The following LIMS2 variants were observed in gnomAD, a reference collection of about 807,000 sequenced individuals.
LIMS2 encodes the protein LIM and senescent cell antigen-like-containing domain protein 2.
In LIMS2, 30 loss-of-function variants were observed where a neutral mutation model predicts 45.3. That is an observed-to-expected ratio of 0.66 (90% CI 0.50 to 0.90). LIMS2 has a LOEUF of 0.90. Ranked by LOEUF, LIMS2 falls within the 40% of genes least tolerant of loss-of-function variation. The probability of loss-of-function intolerance (pLI) is 0.00; values close to 1 mark genes in which losing one functional copy is unlikely to be tolerated. For missense variants in LIMS2, 485 were observed against 468.7 expected (o/e 1.03, Z -0.32); for synonymous variants, 173 against 188.0 (o/e 0.92, Z 0.65).
rs1682152353 is a variant in LIMS2, at chr2:127,639,337, A to T, written c.970T>A (p.Ser324Thr). 2 of 1,613,934 alleles carry T rather than the reference A, an allele frequency of 1.2e-6. No homozygotes were observed. The highest frequency in any genetic ancestry group is 1.7e-6 in the Non-Finnish European group (2 of 1,179,940). Reference sequence around the variant, plus strand: ...TGGGCCTTGCGGGAGGTCAGCTCCGACAGCTTCTTCAGCCGCTTCTTCAGC... The same window carrying T: ...TGGGCCTTGCGGGAGGTCAGCTCCGTCAGCTTCTTCAGCCGCTTCTTCAGC... The part of the protein sequence containing the change: ...LELKKRLKKL[S>T]ELTSRKAQPK... The change falls in exon 10 of 10, where the codon TCG (serine) becomes ACG (threonine). Residue 324 changes from serine to threonine, a missense_variant. By Grantham distance (58) the Ser-to-Thr change is moderately conservative. Coordinates refer to ENST00000355119, the MANE Select transcript of LIMS2 (RefSeq NM_001161403.3).
chr2:127,674,846 G>A, intron 1 of LIMS2, 168 bp downstream of exon 1: 1 of 985,088 alleles, frequency 1.0e-6, no homozygotes, highest in Non-Finnish European at 1.2e-6. Context: ...GGGGCTGGGG[G>A]ACCCCTGCCC....
chr2:127,639,485 C>G, intron 9 of LIMS2, 57 bp from the exon 10 acceptor site: 1 of 1,594,758 alleles, frequency 6.3e-7, no homozygotes, highest in African/African-American at 1.3e-5. Flanking sequence ...TAACCCCAGA[C>G]AGGTGACTGT....
chr2:127,664,551 G>A lies in LIMS2; in HGVS notation c.12-6989C>T. 4.3e-6 allele frequency: 5 copies of A among 1,150,314 alleles called. No individual in the cohort carries two copies. The highest frequency in any genetic ancestry group is 5.3e-6 in the Non-Finnish European group (5 of 936,210). 71.3% of individuals were successfully genotyped at this position (1,150,314 alleles called of 1,614,324 possible). On this transcript the variant is annotated intron_variant, in intron 1 of 9. Transcript: ENST00000355119. The surrounding 1 kb of genome is among the most constrained non-coding windows in gnomAD (Gnocchi z 5.5). ...GGTCGCGAGCTCACGTTACGCGCTG[G>A]GATCTCCAAAGGGCAGCAGAGTCAA...
In LIMS2 at chr2:127,643,003, G is replaced by A. The variant is rs548574611; in HGVS notation, c.429C>T (p.Cys143=). 2 of 1,579,888 alleles carry A rather than the reference G, an allele frequency of 1.3e-6. No individual in the cohort carries two copies. Among genetic ancestry groups the A allele is most frequent in the East Asian group, 2.3e-5 (1 of 43,108 alleles). The change falls in exon 5 of 10, where the codon TGC becomes TGT. Residue 143 remains cysteine, a synonymous_variant. Coordinates refer to ENST00000355119, the MANE Select transcript of LIMS2 (RefSeq NM_001161403.3). ...KGLGKYICQR[C]HLVIDEQPLM... is the part of the protein sequence containing the mutation. ...GGGGCTGCTCGTCGATGACCAGGTG[G>A]CACCGCTGGCAGATGTACTTGCCCA...
Position 127,642,930 on chromosome 2 carries a change from G to GGGTGCAGTTGAAGTGGTCAGGGTGGTA in LIMS2, c.475_501dup (p.Tyr159_Thr167dup). ...GCCGGGCTGCGCACCTACCCACAGT[G>GGGTGCAGTTGAAGTGGTCAGGGTGGTA]GGTGCAGTTGAAGTGGTCAGGGTGG... On this transcript the variant is annotated inframe_insertion, in exon 5 of 10. Transcript: ENST00000355119. The surrounding 1 kb of genome is among the most constrained non-coding windows in gnomAD (Gnocchi z 5.3). 6.4e-7 allele frequency: 1 copy of GGGTGCAGTTGAAGTGGTCAGGGTGGTA among 1,562,154 alleles called. No individual in the cohort carries two copies. The highest frequency in any genetic ancestry group is 1.9e-5 in the Admixed American group (1 of 52,368).
chr2:127,665,262 C>T (rs2105331553), intron 1 of LIMS2, among the ~76,000 whole-genome samples: 1 of 152,272 alleles, frequency 6.6e-6, no homozygotes, highest in East Asian at 1.9e-4. Flanking sequence ...CTAGAAAGGT[C>T]AGAAAGCTTG....
chr2:127,673,311 T>A (rs745509087), intron 1 of LIMS2, among the ~76,000 whole-genome samples: 1 of 152,214 alleles, frequency 6.6e-6, no homozygotes, highest in Non-Finnish European at 1.5e-5. Flanking sequence ...TCTTTTATGT[T>A]TCCAGGTTTC....
rs765111612 is a variant in LIMS2, at chr2:127,657,736, C to A, written c.12-174G>T. 8.3e-4 allele frequency among the ~76,000 whole-genome samples: 126 copies of A among 152,208 alleles called. 1 individual carries two copies. Among genetic ancestry groups the A allele is most frequent in the Non-Finnish European group, 1.4e-3 (92 of 68,024 alleles). On this transcript the variant is annotated intron_variant, in intron 1 of 9. Transcript: ENST00000355119. ...GGCTGCTCAGTGCTTGTAGTGCCCA[C>A]CCCTTGGGGTGTCAGGGGCCCAGTC...
At chr2:127,666,115 A>C (rs764220019) in intron 1 of LIMS2, among the ~76,000 whole-genome samples, 3 of 152,168 alleles carry the variant, frequency 2.0e-5, no homozygotes, top group Non-Finnish European at 2.9e-5. Flanking sequence ...CTGTAAACTG[A>C]ATCTAGAACT....
intron 4 of LIMS2, chr2:127,651,762 G>T (rs775630529): frequency 1.2e-6 from 2 of 1,609,756 alleles, no homozygotes; most frequent in East Asian, 2.2e-5. Context: ...GTGAGCGGGG[G>T]GCGCCGTCCA....
chr2:127,660,157 G>A (rs1205736301), intron 1 of LIMS2, among the ~76,000 whole-genome samples: 2 of 152,156 alleles, frequency 1.3e-5, no homozygotes, highest in South Asian at 2.1e-4. Context: ...TCTAGCTAAA[G>A]GTTTGTAAAC....
Position 127,643,824 on chromosome 2 carries a change from ATC to A in LIMS2, c.360-754_360-753del, listed in dbSNP as rs573844437. 3.6e-4 allele frequency among the ~76,000 whole-genome samples: 54 copies of A among 152,102 alleles called. No homozygotes were observed. The South Asian group carries it at 6.5e-3, about 18-fold the overall frequency. Reference sequence around the variant, plus strand: ...GCCCCCGTCTCCACCTGCCACCCGAATCTCTCTCTGGTGCTCCTGCTGCATCC... The same window carrying A: ...GCCCCCGTCTCCACCTGCCACCCGAATCTCTCTGGTGCTCCTGCTGCATCC... On this transcript the variant is annotated intron_variant, in intron 4 of 9. Transcript: ENST00000355119.
rs1187543930 is a variant in LIMS2, at chr2:127,664,794, G to A, written c.12-7232C>T. On this transcript the variant is annotated intron_variant, in intron 1 of 9. Transcript: ENST00000355119. This position sits in a 1 kb window ranked among gnomAD's most constrained non-coding sequence, Gnocchi z 5.5. ...GGACACACTGAGGAGGGCAGAGTCAGCTGAGGAGGACAGGGAGGACCTGGC... is the reference window on the plus strand; with the variant it reads ...GGACACACTGAGGAGGGCAGAGTCAACTGAGGAGGACAGGGAGGACCTGGC... 1.3e-5 allele frequency among the ~76,000 whole-genome samples: 2 copies of A among 152,200 alleles called. No homozygotes were observed.
chr2:127,669,811 G>A (rs765571339), intron 1 of LIMS2, among the ~76,000 whole-genome samples: 9 of 152,042 alleles, frequency 5.9e-5, no homozygotes, highest in Non-Finnish European at 1.3e-4. Context: ...AAGACAACCC[G>A]ATTTAAAAAA....
chr2:127,678,047 G>C (rs1174441035), upstream of LIMS2, among the ~76,000 whole-genome samples: 1 of 152,186 alleles, frequency 6.6e-6, no homozygotes, highest in Non-Finnish European at 1.5e-5. The surrounding 1 kb of genome is among the most constrained non-coding windows in gnomAD (Gnocchi z 5.3). Flanking sequence ...TACCTCAAAA[G>C]AAAAATACCG....
Position 127,642,008 on chromosome 2 carries a change from AC to A in LIMS2, c.660+40del, listed in dbSNP as rs761585616. 8 of 1,596,400 alleles carry A rather than the reference AC, an allele frequency of 5.0e-6. No individual in the cohort carries two copies. The highest frequency in any genetic ancestry group is 2.3e-5 in the East Asian group (1 of 44,002). ...TCTTACCATGACCCTGAGCTGGGGC[AC>A]CCCCCAACCTGAGGCCACGTGTCCA... On this transcript the variant is annotated intron_variant, in intron 6 of 9. Coordinates refer to ENST00000355119, the MANE Select transcript of LIMS2 (RefSeq NM_001161403.3). This position sits in a 1 kb window ranked among gnomAD's most constrained non-coding sequence, Gnocchi z 5.3.
At chr2:127,641,258 A>T in intron 6 of LIMS2, 1 of 386,794 alleles carries the variant, frequency 2.6e-6, no homozygotes, top group South Asian at 3.3e-5. Flanking sequence ...CACTGATGGT[A>T]ACCTTGTGAG....
rs1310247283 is a variant in LIMS2, at chr2:127,667,950, A to C, written c.11+7064T>G. 6.6e-6 allele frequency among the ~76,000 whole-genome samples: 1 copy of C among 152,240 alleles called. No individual in the cohort carries two copies. The highest frequency in any genetic ancestry group is 1.5e-5 in the Non-Finnish European group (1 of 68,046). On this transcript the variant is annotated intron_variant, in intron 1 of 9. Coordinates refer to ENST00000355119, the MANE Select transcript of LIMS2 (RefSeq NM_001161403.3). The surrounding 1 kb of genome is among the most constrained non-coding windows in gnomAD (Gnocchi z 4.1). ...AAAACTCGGAAGAATCCCTCCTCAA[A>C]AAAAGAAACCCTATTTACAGATAAG...
Position 127,642,830 on chromosome 2 carries a change from C to T in LIMS2, c.509+93G>A. On this transcript the variant is annotated intron_variant, in intron 5 of 9. Coordinates refer to ENST00000355119, the MANE Select transcript of LIMS2 (RefSeq NM_001161403.3). This position sits in a 1 kb window ranked among gnomAD's most constrained non-coding sequence, Gnocchi z 5.3. ...CCCACCCTGCTCCCCTCTCCCTCCT[C>T]AACACTTCCCCAGGTGGAGGCCCCA... 7.1e-7 allele frequency: 1 copy of T among 1,404,428 alleles called. No homozygotes were observed. Among genetic ancestry groups the T allele is most frequent in the South Asian group, 1.4e-5 (1 of 73,930 alleles). The allele number at this position is 1,404,428 out of a possible 1,614,324, so 87.0% of individuals were successfully genotyped here.
Sources: gnomAD v4.1 joint callset for allele counts (sites outside exome capture counted in the v4.1 genomes callset) on GRCh38, gnomAD v4.1.1 for gene constraint, Gnocchi (gnomAD v3.1) non-coding constraint, MANE v1.5 for transcripts, NCBI Gene and HGNC (gene_info 2026-07-23, HGNC 2026-07-21) for gene names.